The following RIMS2 variants were observed in gnomAD, a reference collection of about 807,000 sequenced individuals.
The protein encoded by RIMS2 is regulating synaptic membrane exocytosis 2.
Under a neutral mutation model 174.4 loss-of-function variants are expected in RIMS2, and 59 were observed. That is an observed-to-expected ratio of 0.34 (90% CI 0.27 to 0.42). The LOEUF is 0.42. RIMS2 is among the 10% of genes least tolerant of loss of function. The pLI is 1.00. For missense variants in RIMS2, 1,620 were observed against 1,666.3 expected (o/e 0.97, Z 0.48); for synonymous variants, 606 against 572.5 (o/e 1.06, Z -0.84).
chr8:104,096,651 C>T (rs1181181706), intron 19 of RIMS2, among the ~76,000 whole-genome samples: 1 of 152,014 alleles, frequency 6.6e-6, no homozygotes, highest in South Asian at 2.1e-4. Context: ...GGGAGGATCA[C>T]GAGGTCAGGA....
intron 19 of RIMS2, among the ~76,000 whole-genome samples, chr8:104,200,139 A>G (rs1454566913): frequency 1.3e-5 from 2 of 152,278 alleles, no homozygotes; most frequent in South Asian, 2.1e-4. Context: ...GATGCATTCT[A>G]CACCCTACTA....
intron 19 of RIMS2, among the ~76,000 whole-genome samples, chr8:104,032,086 T>C (rs1231741072): frequency 2.0e-5 from 3 of 152,096 alleles, no homozygotes; most frequent in African/African-American, 4.8e-5. Context: ...AAAATTGAAG[T>C]ACTTTAATGC....
intron 17 of RIMS2, among the ~76,000 whole-genome samples, chr8:104,009,144 T>C (rs2095678226): frequency 6.6e-6 from 1 of 151,968 alleles, no homozygotes; most frequent in East Asian, 1.9e-4. Context: ...AATATGTATA[T>C]ATGCTATATT....
chr8:104,078,163 CAA>C (rs36009469), intron 19 of RIMS2, among the ~76,000 whole-genome samples: 44 of 134,278 alleles, frequency 3.3e-4, no homozygotes, highest in African/African-American at 1.1e-3. Flanking sequence ...AAAAACAAAC[CAA>C]AAAAAAAAAA....
intron 19 of RIMS2, among the ~76,000 whole-genome samples, chr8:104,240,409 A>C (rs751347252): frequency 1.3e-5 from 2 of 152,224 alleles, no homozygotes; most frequent in Non-Finnish European, 2.9e-5. Flanking sequence ...CATTCAAGTT[A>C]AATTAGTTTT....
intron 20 of RIMS2, among the ~76,000 whole-genome samples, chr8:104,247,234 G>A (rs759545568): frequency 2.0e-5 from 3 of 152,178 alleles, no homozygotes; most frequent in Non-Finnish European, 4.4e-5. Context: ...AATACCACAG[G>A]CTGGGTGGCT....
intron 3 of RIMS2, among the ~76,000 whole-genome samples, chr8:103,861,706 T>C (rs2099059833): frequency 6.6e-6 from 1 of 152,184 alleles, no homozygotes; most frequent in South Asian, 2.1e-4. Flanking sequence ...ACTGTGGTTT[T>C]ATTTTGCATT....
At position 103,825,063 on chromosome 8, in the gene RIMS2, G is replaced by A. The variant is rs1013308107; in HGVS notation, c.698+58526G>A. ...TGTCCTATGAGCTCCTTGAATTAGG[G>A]GCTACATATTTATTAATCTCTGAAT... On this transcript the variant is annotated intron_variant, in intron 3 of 23. Transcript: ENST00000504942. Among the ~76,000 whole-genome samples the A allele has an allele frequency of 2.0e-5, 3 of 151,860 alleles. No homozygotes were observed. In the East Asian group the frequency reaches 5.8e-4, roughly 29 times the overall value.
intron 1 of RIMS2, among the ~76,000 whole-genome samples, chr8:103,626,027 C>G (rs1159853980): frequency 6.6e-6 from 1 of 151,970 alleles, no homozygotes; most frequent in Non-Finnish European, 1.5e-5. Flanking sequence ...AGACCTAACA[C>G]AATACCTGTC....
chr8:104,225,971 A>T (rs192615262), intron 19 of RIMS2, among the ~76,000 whole-genome samples: 1 of 152,198 alleles, frequency 6.6e-6, no homozygotes, highest in African/African-American at 2.4e-5. Context: ...GTATTTCAAC[A>T]TACTCTGCAG....
At chr8:103,700,677 T>C (rs985351823) in intron 2 of RIMS2, among the ~76,000 whole-genome samples, 8 of 151,982 alleles carry the variant, frequency 5.3e-5, no homozygotes, top group African/African-American at 1.9e-4. Context: ...CTTTTTTGAT[T>C]TTGTCTTATG....
intron 4 of RIMS2, among the ~76,000 whole-genome samples, chr8:103,886,483 T>G: frequency 6.6e-6 from 1 of 151,934 alleles, no homozygotes; most frequent in Non-Finnish European, 1.5e-5. Context: ...TCTTGTATCA[T>G]TTGACAGCAT....
chr8:103,974,179 T>G (rs2154548273), intron 15 of RIMS2, among the ~76,000 whole-genome samples: 1 of 152,344 alleles, frequency 6.6e-6, no homozygotes, highest in African/African-American at 2.4e-5. Flanking sequence ...ACTACTTCAC[T>G]TATTCATGTA....
At chr8:103,551,891 C>T (rs771697878) in intron 1 of RIMS2, among the ~76,000 whole-genome samples, 14 of 152,148 alleles carry the variant, frequency 9.2e-5, no homozygotes, top group Non-Finnish European at 2.1e-4. Flanking sequence ...ATCCAACTTA[C>T]AAGGGATGTG....
At chr8:104,243,937 C>T (rs913056123) in intron 19 of RIMS2, among the ~76,000 whole-genome samples, 5 of 152,158 alleles carry the variant, frequency 3.3e-5, no homozygotes, top group African/African-American at 9.7e-5. Context: ...TTTACATGTG[C>T]TTGGTCATTG....
chr8:104,093,212 T>C lies in RIMS2; in HGVS notation c.3334+78597T>C, dbSNP rs534097764. 3.3e-3 allele frequency among the ~76,000 whole-genome samples: 497 copies of C among 152,182 alleles called. 2 individuals are homozygous for C. The highest frequency in any genetic ancestry group is 0.012 in the African/African-American group (479 of 41,558). ...CCTAAATGTTCTTTCCTGAGGCCAG[T>C]GCTGTTTTGAAACTATTTTAATGGC... On this transcript the variant is annotated intron_variant, in intron 19 of 23. Coordinates refer to ENST00000504942, the Ensembl canonical transcript of RIMS2.
chr8:104,160,304 A>T (rs1390677207), intron 19 of RIMS2, among the ~76,000 whole-genome samples: 2 of 152,334 alleles, frequency 1.3e-5, no homozygotes, highest in Non-Finnish European at 2.9e-5. Context: ...CAAAATACTC[A>T]GTATTTGTTA....
intron 9 of RIMS2, among the ~76,000 whole-genome samples, chr8:103,919,469 G>T (rs1167750810): frequency 6.6e-6 from 1 of 151,678 alleles, no homozygotes; most frequent in Non-Finnish European, 1.5e-5. Flanking sequence ...AGCTATCTAG[G>T]ATGGTTTTGA....
chr8:103,512,372 A>G (rs1260272499), intron 1 of RIMS2, among the ~76,000 whole-genome samples: 1 of 152,124 alleles, frequency 6.6e-6, no homozygotes, highest in East Asian at 1.9e-4. Flanking sequence ...GTTATCCCCA[A>G]TATTCGTATC....
Sources: allele counts gnomAD v4.1 joint callset (sites outside exome capture counted in the v4.1 genomes callset), GRCh38; gene constraint gnomAD v4.1.1; transcripts MANE v1.5; gene names NCBI Gene and HGNC (gene_info 2026-07-23, HGNC 2026-07-21).